Variants in COX7B2 observed in about 807,000 individuals in gnomAD.
COX7B2 encodes cytochrome c oxidase subunit 7B2.
For missense variants in COX7B2, 109 were observed against 95.9 expected, an observed-to-expected ratio of 1.14 and a Z score of -0.57; for synonymous variants, 37 against 32.1, an observed-to-expected ratio of 1.15 and a Z score of -0.51.
intron 2 of COX7B2, among the ~76,000 whole-genome samples, chr4:46,802,836 C>T (rs574922780): frequency 1.3e-5 from 2 of 152,206 alleles, no homozygotes; most frequent in Admixed American, 1.3e-4. Flanking sequence ...GTTACTGGAA[C>T]TTTAGGGATT....
intron 2 of COX7B2, among the ~76,000 whole-genome samples, chr4:46,812,752 G>A (rs548299505): frequency 6.6e-6 from 1 of 152,256 alleles, no homozygotes; most frequent in Non-Finnish European, 1.5e-5. Flanking sequence ...CCAATGCTCT[G>A]ATTCCCTGGG....
rs75820712 is a variant in COX7B2, at chr4:46,880,340, G to T, written c.-105+28820C>A. Among the ~76,000 whole-genome samples the T allele has an allele frequency of 3.9e-3, 581 of 149,264 alleles. 6 individuals are homozygous for T. The highest frequency in any genetic ancestry group is 0.014 in the African/African-American group (566 of 40,738). Reference sequence around the variant, plus strand: ...TTCTCAGTTTTTTGGAATAGTTTTTGTAGGAATGGTACCAACTCTTCTTTC... The same window carrying T: ...TTCTCAGTTTTTTGGAATAGTTTTTTTAGGAATGGTACCAACTCTTCTTTC... On this transcript the variant is annotated intron_variant, in intron 1 of 2. Transcript: ENST00000355591.
At chr4:46,758,435 C>T (rs1715930175) in intron 2 of COX7B2, among the ~76,000 whole-genome samples, 1 of 152,052 alleles carries the variant, frequency 6.6e-6, no homozygotes, top group South Asian at 2.1e-4. Context: ...TGGCAAGTAC[C>T]TAAAGTACAG....
At chr4:46,784,531 A>G (rs530179886) in intron 2 of COX7B2, among the ~76,000 whole-genome samples, 59 of 152,310 alleles carry the variant, frequency 3.9e-4, no homozygotes, top group African/African-American at 1.4e-3. Flanking sequence ...AGGCTGAGGC[A>G]GGAGAATTGT....
intron 2 of COX7B2, among the ~76,000 whole-genome samples, chr4:46,753,723 T>C (rs915837855): frequency 2.6e-5 from 4 of 151,784 alleles, no homozygotes; most frequent in Non-Finnish European, 5.9e-5. Context: ...GGGATCTAAT[T>C]AAACTAAAGA....
At chr4:46,843,249 A>T (rs1042242003) in intron 2 of COX7B2, among the ~76,000 whole-genome samples, 1 of 152,094 alleles carries the variant, frequency 6.6e-6, no homozygotes, top group African/African-American at 2.4e-5. Context: ...CATCAATAAT[A>T]GAGAAATAAT....
intron 2 of COX7B2, among the ~76,000 whole-genome samples, chr4:46,774,386 T>C (rs974745975): frequency 3.9e-5 from 6 of 151,900 alleles, no homozygotes; most frequent in South Asian, 2.1e-4. Context: ...CTCTGTCTGA[T>C]TACATTTTGC....
At chr4:46,907,939 C>T (rs910178465) in intron 1 of COX7B2, among the ~76,000 whole-genome samples, 11 of 147,362 alleles carry the variant, frequency 7.5e-5, no homozygotes, top group East Asian at 2.1e-4. Context: ...CTGCAACCTC[C>T]GCCTCCCGGG....
chr4:46,841,685 A>C (rs1029533475), intron 2 of COX7B2, among the ~76,000 whole-genome samples: 1 of 151,934 alleles, frequency 6.6e-6, no homozygotes, highest in Non-Finnish European at 1.5e-5. Flanking sequence ...CTTAGAGCAA[A>C]TCTCAAGGAC....
Position 46,907,847 on chromosome 4 carries a change from A to ATTTTTTTTTTTTTTTTTT in COX7B2, c.-105+1312_-105+1313insAAAAAAAAAAAAAAAAAA, listed in dbSNP as rs1308450950. Among the ~76,000 whole-genome samples the ATTTTTTTTTTTTTTTTTT allele has an allele frequency of 7.1e-4, 48 of 67,160 alleles. 1 individual carries two copies. Among genetic ancestry groups the ATTTTTTTTTTTTTTTTTT allele is most frequent in the East Asian group, 2.0e-3 (3 of 1,510 alleles). The allele number at this position is 67,160 out of a possible 152,430, so 44.1% of individuals were successfully genotyped here. A position where few individuals can be genotyped will look rare whatever the true frequency, so the allele number is the denominator to read the frequency against. On this transcript the variant is annotated intron_variant, in intron 1 of 2. Coordinates refer to ENST00000355591, the MANE Select transcript of COX7B2 (RefSeq NM_130902.3). ...ATATAAAAGATCAGAATTTGAGCAGACTTTTTTTTTTTTTTTTTTTTTTTT... is the reference window on the plus strand; with the variant it reads ...ATATAAAAGATCAGAATTTGAGCAGATTTTTTTTTTTTTTTTTTCTTTTTTTTTTTTTTTTTTTTTTTT...
At chr4:46,866,035 T>C (rs1466414025) in intron 1 of COX7B2, among the ~76,000 whole-genome samples, 1 of 152,208 alleles carries the variant, frequency 6.6e-6, no homozygotes, top group East Asian at 1.9e-4. Flanking sequence ...TCCATTGCTG[T>C]GTTAATGACA....
intron 2 of COX7B2, among the ~76,000 whole-genome samples, chr4:46,779,286 T>A (rs1717316611): frequency 6.6e-6 from 1 of 152,218 alleles, no homozygotes; most frequent in East Asian, 1.9e-4. Context: ...TTTCTTTCTG[T>A]GTCTGGCTTA....
At chr4:46,790,969 T>G (rs777260306) in intron 2 of COX7B2, among the ~76,000 whole-genome samples, 32 of 152,226 alleles carry the variant, frequency 2.1e-4, no homozygotes, top group Admixed American at 3.3e-4. Flanking sequence ...ATGCCTGAAG[T>G]CCTAATATTA....
intron 2 of COX7B2, among the ~76,000 whole-genome samples, chr4:46,842,622 A>G (rs1157023335): frequency 1.3e-5 from 2 of 151,688 alleles, no homozygotes; most frequent in Non-Finnish European, 2.9e-5. Flanking sequence ...TCATTATTCA[A>G]TTCCCACCTA....
intron 1 of COX7B2, among the ~76,000 whole-genome samples, chr4:46,845,704 C>T (rs1044142057): frequency 1.3e-5 from 2 of 151,826 alleles, no homozygotes; most frequent in Non-Finnish European, 2.9e-5. Context: ...GAAGAAAAAA[C>T]CCTGGAGGGG....
At chr4:46,798,390 C>T (rs1403288750) in intron 2 of COX7B2, among the ~76,000 whole-genome samples, 1 of 152,156 alleles carries the variant, frequency 6.6e-6, no homozygotes, top group Non-Finnish European at 1.5e-5. Context: ...TTGAGTGAGG[C>T]CATCAAAGGA....
chr4:46,740,945 T>C (rs1309408928), intron 2 of COX7B2, among the ~76,000 whole-genome samples: 4 of 152,070 alleles, frequency 2.6e-5, no homozygotes, highest in Non-Finnish European at 5.9e-5. Flanking sequence ...TTGGGTGATC[T>C]AGGCACCGAA....
intron 2 of COX7B2, among the ~76,000 whole-genome samples, chr4:46,840,038 C>T (rs1715823957): frequency 6.6e-6 from 1 of 151,956 alleles, no homozygotes; most frequent in Non-Finnish European, 1.5e-5. Flanking sequence ...AGGACGTTCT[C>T]TTAGTAGTGA....
intron 2 of COX7B2, among the ~76,000 whole-genome samples, chr4:46,755,859 T>G (rs1176216903): frequency 6.6e-6 from 1 of 152,064 alleles, no homozygotes; most frequent in Non-Finnish European, 1.5e-5. Context: ...ACTGGAAGAA[T>G]CAAAATTGTT....
Sources: gnomAD v4.1 joint callset for allele counts (sites outside exome capture counted in the v4.1 genomes callset) on GRCh38, gnomAD v4.1.1 for gene constraint, MANE v1.5 for transcripts, NCBI Gene and HGNC (gene_info 2026-07-23, HGNC 2026-07-21) for gene names.